The following CSMD2 variants were observed in gnomAD, a reference collection of about 807,000 sequenced individuals.
CSMD2 encodes the protein CUB and sushi domain-containing protein 2.
In CSMD2, 130 loss-of-function variants were observed where a neutral mutation model predicts 398.5. That is an observed-to-expected ratio of 0.33 (90% CI 0.28 to 0.38). The LOEUF (loss-of-function observed/expected upper bound fraction) is 0.38, where lower values mean the gene tolerates loss of function less well. Among genes scored for constraint, CSMD2 ranks in the 10% least tolerant of loss-of-function variants. The pLI, the probability that CSMD2 is intolerant of heterozygous loss-of-function variation, is 1.00. For missense variants in CSMD2, 3,829 were observed against 4,764.9 expected (o/e 0.80, Z 5.78); for synonymous variants, 1,828 against 1,908.5 (o/e 0.96, Z 1.10).
intron 3 of CSMD2, among the ~76,000 whole-genome samples, chr1:34,009,476 C>T (rs2148062079): frequency 6.6e-6 from 1 of 152,128 alleles, no homozygotes; most frequent in African/African-American, 2.4e-5. Flanking sequence ...GCTGACACCA[C>T]TCCTGGAGCC....
At chr1:33,806,456 A>G (rs1656240769) in intron 10 of CSMD2, among the ~76,000 whole-genome samples, 1 of 152,112 alleles carries the variant, frequency 6.6e-6, no homozygotes, top group Admixed American at 6.5e-5. Context: ...CCCACCATCC[A>G]CCCAGGTCTC....
At chr1:34,080,341 T>G (rs1214650515) in intron 2 of CSMD2, among the ~76,000 whole-genome samples, 5 of 151,998 alleles carry the variant, frequency 3.3e-5, no homozygotes, top group Non-Finnish European at 5.9e-5. Flanking sequence ...ATATTGCCTA[T>G]CCGCAAATAT....
chr1:33,779,875 G>A (rs1418570282), intron 12 of CSMD2, among the ~76,000 whole-genome samples: 4 of 152,222 alleles, frequency 2.6e-5, no homozygotes, highest in African/African-American at 9.6e-5. Flanking sequence ...GCAAGGCACA[G>A]AGAGGGGATT....
intron 6 of CSMD2, among the ~76,000 whole-genome samples, chr1:33,842,707 G>T (rs1660976504): frequency 6.6e-6 from 1 of 152,126 alleles, no homozygotes; most frequent in African/African-American, 2.4e-5. Context: ...AACCTTTCTG[G>T]ACACTGAAAT....
rs1656489421 is a variant in CSMD2, at chr1:33,542,858, G to C, written c.9139C>G (p.Arg3047Gly). Residue 3047 changes from arginine to glycine, a missense_variant, in exon 58 of 71, where the codon CGA (arginine) becomes GGA (glycine). Arg to Gly is a moderately radical substitution (Grantham distance 125). Transcript: ENST00000373381. ...CGNPGTPSNARVVFSDGLVFS... is the reference protein window; with the variant it reads ...CGNPGTPSNAGVVFSDGLVFS... ...ACCAGGCCATCACTGAACACAACTC[G>C]GGCATTACTTGGAGTCCCAGGGTTC... The C allele has an allele frequency of 2.5e-6, 4 of 1,613,970 alleles. No individual in the cohort carries two copies. Among genetic ancestry groups the C allele is most frequent in the Non-Finnish European group, 3.4e-6 (4 of 1,180,012 alleles).
chr1:33,718,340 T>C (rs570758563), intron 19 of CSMD2, among the ~76,000 whole-genome samples: 1 of 152,346 alleles, frequency 6.6e-6, no homozygotes, highest in East Asian at 1.9e-4. Flanking sequence ...GGCAGTTGTG[T>C]TTGGTGGGCA....
At chr1:33,735,883 C>T (rs1244802832) in intron 15 of CSMD2, among the ~76,000 whole-genome samples, 1 of 152,142 alleles carries the variant, frequency 6.6e-6, no homozygotes, top group Non-Finnish European at 1.5e-5. Context: ...CAGAGCTCTA[C>T]CAAGGCTCAG....
chr1:33,780,473 C>T (rs902810857), intron 12 of CSMD2, among the ~76,000 whole-genome samples: 4 of 152,212 alleles, frequency 2.6e-5, no homozygotes, highest in Admixed American at 2.6e-4. Flanking sequence ...ACATTCTTCC[C>T]TCCCCATCTC....
chr1:33,829,695 C>A (rs976061873), intron 6 of CSMD2, among the ~76,000 whole-genome samples: 2 of 152,218 alleles, frequency 1.3e-5, no homozygotes, highest in Admixed American at 1.3e-4. Flanking sequence ...TGAGCCAAAG[C>A]AGGGTGAGGC....
intron 9 of CSMD2, among the ~76,000 whole-genome samples, chr1:33,813,604 C>T (rs982271668): frequency 6.7e-6 from 1 of 148,376 alleles, no homozygotes; most frequent in African/African-American, 2.6e-5. Context: ...CCCATTTTTC[C>T]TCTGGACATT....
At position 33,596,736 on chromosome 1, in the gene CSMD2, A is replaced by T. The variant is rs538963331; in HGVS notation, c.6856+4129T>A. On this transcript the variant is annotated intron_variant, in intron 44 of 70. Transcript: ENST00000373381. ...TGGAGGAAACTGGCCCCCATGATTCAATTATCTCCACCTGGTCCCTCCCAT... is the reference window on the plus strand; with the variant it reads ...TGGAGGAAACTGGCCCCCATGATTCTATTATCTCCACCTGGTCCCTCCCAT... 3.1e-3 allele frequency among the ~76,000 whole-genome samples: 472 copies of T among 152,308 alleles called. 4 individuals are homozygous for T. The highest frequency in any genetic ancestry group is 0.011 in the African/African-American group (452 of 41,578).
chr1:33,714,469 T>C, intron 21 of CSMD2, 118 bp downstream of exon 21: 5 of 1,198,608 alleles, frequency 4.2e-6, no homozygotes, highest in Non-Finnish European at 6.0e-6. Flanking sequence ...CAGGTAAGTG[T>C]GGTAAGTGTG....
At chr1:34,133,995 G>C (rs924049475) in intron 1 of CSMD2, among the ~76,000 whole-genome samples, 1 of 148,620 alleles carries the variant, frequency 6.7e-6, no homozygotes, top group Non-Finnish European at 1.5e-5. Flanking sequence ...CTTGAACCGG[G>C]GAGGCAGAGA....
intron 5 of CSMD2, chr1:33,864,195 G>A (rs143409448): frequency 3.8e-6 from 6 of 1,594,470 alleles, no homozygotes; most frequent in Non-Finnish European, 5.1e-6. Flanking sequence ...TACGAACATG[G>A]GAAAAGAAAT....
chr1:33,663,021 C>G lies in CSMD2; in HGVS notation c.4124G>C (p.Ser1375Thr). The G allele has an allele frequency of 1.2e-6, 2 of 1,614,200 alleles. No homozygotes were observed. Among genetic ancestry groups the G allele is most frequent in the Non-Finnish European group, 8.5e-7 (1 of 1,180,024 alleles). Residue 1375 changes from serine (S) to threonine (T), a missense_variant, in exon 26 of 71, where the codon AGC becomes ACC. Coordinates refer to ENST00000373381, the MANE Select transcript of CSMD2 (RefSeq NM_001281956.2). ...ACTCAGCTCCTTCAGCAGAACCCCG[C>G]TCTCCACAGGCCCATCCCAGATGCG... ...VLRIWDGPVESGVLLKELSGP... is the reference protein window; with the variant it reads ...VLRIWDGPVETGVLLKELSGP...
intron 4 of CSMD2, among the ~76,000 whole-genome samples, chr1:33,922,724 CA>C (rs1047445341): frequency 6.6e-6 from 1 of 152,094 alleles, no homozygotes; most frequent in African/African-American, 2.4e-5. Context: ...CAACTCCTCC[CA>C]CACCCCCACA....
In CSMD2 at chr1:33,658,088, A is replaced by G. The variant is rs777328169; in HGVS notation, c.4305T>C (p.Ser1435=). 2.5e-6 allele frequency: 4 copies of G among 1,613,232 alleles called. No individual in the cohort carries two copies. Among genetic ancestry groups the G allele is most frequent in the Non-Finnish European group, 3.4e-6 (4 of 1,179,862 alleles). Residue 1435 remains serine (S), a synonymous_variant, in exon 27 of 71, where the codon AGT becomes AGC. Coordinates refer to ENST00000373381, the MANE Select transcript of CSMD2 (RefSeq NM_001281956.2). ...CGGCTTCCCAACTGTCACCACTCCG[A>G]CTCCCATTCTGCGGGATCCCAGGGT... is the stretch of plus-strand genomic sequence containing the variant. The part of the protein sequence containing the change: ...CNDPGIPQNG[S]RSGDSWEAGD...
At chr1:33,626,133 T>C (rs1642114258) in intron 33 of CSMD2, among the ~76,000 whole-genome samples, 1 of 152,174 alleles carries the variant, frequency 6.6e-6, no homozygotes, top group South Asian at 2.1e-4. Context: ...TTACTGTGCC[T>C]GGCAGACAAA....
At chr1:33,847,531 G>A (rs994169148) in intron 5 of CSMD2, among the ~76,000 whole-genome samples, 15 of 152,048 alleles carry the variant, frequency 9.9e-5, no homozygotes, top group African/African-American at 3.4e-4. Context: ...CCAGCCCTAA[G>A]AGTTTGTAGG....
Sources: gnomAD v4.1 joint callset for allele counts (sites outside exome capture counted in the v4.1 genomes callset) on GRCh38, gnomAD v4.1.1 for gene constraint, MANE v1.5 for transcripts, NCBI Gene and HGNC (gene_info 2026-07-23, HGNC 2026-07-21) for gene names.